The following CSMD1 variants were observed in gnomAD, a reference collection of about 807,000 sequenced individuals.
CSMD1 encodes CUB and sushi domain-containing protein 1.
In CSMD1, 213 loss-of-function variants were observed where a neutral mutation model predicts 417.5. That is an observed-to-expected ratio of 0.51 (90% CI 0.46 to 0.57). The LOEUF (loss-of-function observed/expected upper bound fraction) is 0.57, where lower values mean the gene tolerates loss of function less well. Ranked by LOEUF, CSMD1 falls within the 20% of genes least tolerant of loss-of-function variation. CSMD1 has a pLI of 0.00. For missense variants in CSMD1, 6,923 were observed against 4,529.7 expected (o/e 1.53, Z -15.17); for synonymous variants, 2,862 against 1,736.8 (o/e 1.65, Z -16.11).
intron 3 of CSMD1, among the ~76,000 whole-genome samples, chr8:4,195,254 G>C (rs1474041121): frequency 1.3e-5 from 2 of 152,114 alleles, no homozygotes; most frequent in Non-Finnish European, 2.9e-5. Context: ...TGTTTTTTAA[G>C]AGACAGGGTC....
chr8:3,622,205 T>A (rs909459411), intron 7 of CSMD1, among the ~76,000 whole-genome samples: 1 of 152,222 alleles, frequency 6.6e-6, no homozygotes, highest in Admixed American at 6.5e-5. Context: ...TAATGCAGAT[T>A]GTTACTTCTG....
chr8:4,291,180 TA>T (rs1337406454), intron 3 of CSMD1, among the ~76,000 whole-genome samples: 4 of 152,144 alleles, frequency 2.6e-5, no homozygotes, highest in African/African-American at 9.7e-5. Context: ...TAGTGTTGCA[TA>T]ATTATACATT....
intron 3 of CSMD1, among the ~76,000 whole-genome samples, chr8:4,180,966 G>C (rs905144613): frequency 6.6e-6 from 1 of 152,152 alleles, no homozygotes; most frequent in Non-Finnish European, 1.5e-5. Flanking sequence ...GGATGATGCT[G>C]TGATAATGGC....
At chr8:3,969,183 G>C (rs1585051117) in intron 5 of CSMD1, among the ~76,000 whole-genome samples, 2 of 152,312 alleles carry the variant, frequency 1.3e-5, no homozygotes, top group African/African-American at 2.4e-5. Flanking sequence ...CTGGGAGGCA[G>C]TGGTTGCAGT....
At chr8:4,146,846 G>C (rs887687455) in intron 3 of CSMD1, among the ~76,000 whole-genome samples, 5 of 149,612 alleles carry the variant, frequency 3.3e-5, no homozygotes, top group Non-Finnish European at 7.4e-5. Flanking sequence ...TCCTGACCTC[G>C]TGATCCGCCC....
intron 50 of CSMD1, among the ~76,000 whole-genome samples, chr8:3,047,319 G>A (rs936089628): frequency 7.3e-5 from 11 of 151,290 alleles, no homozygotes; most frequent in African/African-American, 2.2e-4. Context: ...GGTCCCAGAC[G>A]ATTCCCGTGT....
At chr8:4,693,416 T>TGTGTCA (rs1806905208) in intron 1 of CSMD1, among the ~76,000 whole-genome samples, 2 of 152,240 alleles carry the variant, frequency 1.3e-5, no homozygotes, top group African/African-American at 4.8e-5. Context: ...GTGTTCTGGC[T>TGTGTCA]GTGTCAGCCT....
intron 10 of CSMD1, among the ~76,000 whole-genome samples, chr8:3,497,545 C>T (rs1796418374): frequency 6.6e-6 from 1 of 152,154 alleles, no homozygotes; most frequent in Non-Finnish European, 1.5e-5. Context: ...TCTGGGATTA[C>T]AGGGTCAATA....
intron 3 of CSMD1, among the ~76,000 whole-genome samples, chr8:4,273,598 G>C (rs978674553): frequency 6.6e-6 from 1 of 152,092 alleles, no homozygotes; most frequent in Non-Finnish European, 1.5e-5. Flanking sequence ...TCGTTCATTT[G>C]AAATTCAAAT....
At chr8:4,066,286 C>T (rs150539643) in intron 3 of CSMD1, among the ~76,000 whole-genome samples, 154 of 152,228 alleles carry the variant, frequency 1.0e-3, no homozygotes, top group Admixed American at 1.4e-3. Flanking sequence ...TTTCTCTGTA[C>T]GACCTTAACC....
chr8:3,735,761 G>A (rs1362629151), intron 6 of CSMD1, among the ~76,000 whole-genome samples: 1 of 152,174 alleles, frequency 6.6e-6, no homozygotes, highest in Non-Finnish European at 1.5e-5. Context: ...CCTTTACAAT[G>A]TTGCTGCAGA....
rs576440486 is a variant in CSMD1, at chr8:3,462,118, C to T, written c.1561+6594G>A. ...ACCATTTGGGTGCTCTCTTCAGAAT[C>T]CAGGCCCCCCCCCCCACCTCCCAGC... On this transcript the variant is annotated intron_variant, in intron 12 of 69. Coordinates refer to ENST00000635120, the MANE Select transcript of CSMD1 (RefSeq NM_033225.6). 5.3e-4 allele frequency among the ~76,000 whole-genome samples: 40 copies of T among 75,126 alleles called. 2 individuals carry two copies. Among genetic ancestry groups the T allele is most frequent in the Admixed American group, 4.3e-3 (38 of 8,738 alleles). 49.3% of individuals were successfully genotyped at this position (75,126 alleles called of 152,430 possible). A position where few individuals can be genotyped will look rare whatever the true frequency, so the allele number is the denominator to read the frequency against.
chr8:2,956,372 A>T (rs1324773067), intron 63 of CSMD1, among the ~76,000 whole-genome samples: 1 of 152,082 alleles, frequency 6.6e-6, no homozygotes, highest in Non-Finnish European at 1.5e-5. Flanking sequence ...TCCATTCCTT[A>T]TAAAGTTTGC....
In CSMD1 at chr8:4,573,580, C is replaced by G. The variant is rs139863116; in HGVS notation, c.302+63762G>C. Among the ~76,000 whole-genome samples, 25 of 152,220 alleles carry G rather than the reference C, an allele frequency of 1.6e-4. 1 individual carries two copies. In the East Asian group the frequency reaches 4.7e-3, roughly 28 times the overall value. The stretch of plus-strand genomic sequence containing the variant: ...TTGATCCCTGCTGGGAGGTGTCTCC[C>G]AGTCAGGAGGTATGGGGGTCAGGGT... On this transcript the variant is annotated intron_variant, in intron 2 of 69. Coordinates refer to ENST00000635120, the MANE Select transcript of CSMD1 (RefSeq NM_033225.6).
intron 7 of CSMD1, among the ~76,000 whole-genome samples, chr8:3,663,036 G>T (rs144889713): frequency 6.6e-6 from 1 of 152,080 alleles, no homozygotes; most frequent in South Asian, 2.1e-4. Flanking sequence ...CATGCCATTT[G>T]TCTGGCAGTG....
intron 16 of CSMD1, among the ~76,000 whole-genome samples, chr8:3,397,315 G>A (rs1447426725): frequency 6.6e-6 from 1 of 152,196 alleles, no homozygotes; most frequent in Admixed American, 6.5e-5. Flanking sequence ...TGAATTGGGA[G>A]AAAACTTGGG....
At chr8:4,506,745 A>G (rs1190590082) in intron 2 of CSMD1, among the ~76,000 whole-genome samples, 1 of 152,174 alleles carries the variant, frequency 6.6e-6, no homozygotes, top group Non-Finnish European at 1.5e-5. Context: ...ATCAGCTTAT[A>G]TATGGTTAAA....
At chr8:4,385,492 G>T (rs1803387103) in intron 3 of CSMD1, among the ~76,000 whole-genome samples, 1 of 152,134 alleles carries the variant, frequency 6.6e-6, no homozygotes, top group South Asian at 2.1e-4. Context: ...GATATTTGGA[G>T]CTTAGTACTA....
intron 66 of CSMD1, 78 bp downstream of exon 66, chr8:2,951,036 C>G: frequency 7.0e-7 from 1 of 1,423,402 alleles, no homozygotes; most frequent in Non-Finnish European, 9.6e-7. Context: ...TTAATACTTA[C>G]TAGATCACCT....
Sources: allele counts gnomAD v4.1 joint callset (sites outside exome capture counted in the v4.1 genomes callset), GRCh38; gene constraint gnomAD v4.1.1; transcripts MANE v1.5; gene names NCBI Gene and HGNC (gene_info 2026-07-23, HGNC 2026-07-21).